The following PCDH9 variants were observed in gnomAD, a reference collection of about 807,000 sequenced individuals.
The protein encoded by PCDH9 is protocadherin-9.
In PCDH9, 24 loss-of-function variants were observed where a neutral mutation model predicts 70.6. The ratio of observed to expected loss-of-function variants is 0.34; its 90% CI spans 0.25 to 0.48. PCDH9 has a LOEUF of 0.48. PCDH9 is among the 20% of genes least tolerant of loss of function. The pLI is 0.99. For missense variants in PCDH9, 1,281 were observed against 1,503.6 expected (o/e 0.85, Z 2.45); for synonymous variants, 562 against 558.5 (o/e 1.01, Z -0.09).
chr13:67,145,638 A>G (rs1207815495), intron 2 of PCDH9, among the ~76,000 whole-genome samples: 1 of 152,050 alleles, frequency 6.6e-6, no homozygotes, highest in Non-Finnish European at 1.5e-5. Flanking sequence ...CCATATATTC[A>G]TATGTATGGC....
At chr13:67,096,510 A>G (rs1399344223) in intron 2 of PCDH9, among the ~76,000 whole-genome samples, 1 of 152,148 alleles carries the variant, frequency 6.6e-6, no homozygotes, top group Admixed American at 6.5e-5. Flanking sequence ...CAGCAACACA[A>G]CAAAAATCTT....
intron 3 of PCDH9, among the ~76,000 whole-genome samples, chr13:66,810,856 A>G (rs2080491863): frequency 6.6e-6 from 1 of 151,876 alleles, no homozygotes; most frequent in Admixed American, 6.6e-5. Context: ...TATAATATAT[A>G]TAGTGTTTCA....
chr13:66,834,157 CT>C (rs11431335), intron 3 of PCDH9, among the ~76,000 whole-genome samples: 555 of 124,538 alleles, frequency 4.5e-3, no homozygotes, highest in Middle Eastern at 0.013. Context: ...TACCTATGGT[CT>C]TTTTTTTTTT....
At chr13:66,538,652 A>C (rs1223067000) in intron 4 of PCDH9, among the ~76,000 whole-genome samples, 1 of 151,954 alleles carries the variant, frequency 6.6e-6, no homozygotes, top group Non-Finnish European at 1.5e-5. Context: ...TAAAATCTTC[A>C]ACTGATTGAA....
At chr13:66,954,916 TC>T (rs1246389153) in intron 2 of PCDH9, among the ~76,000 whole-genome samples, 1 of 152,080 alleles carries the variant, frequency 6.6e-6, no homozygotes, top group African/African-American at 2.4e-5. Context: ...GGCGCCTGCC[TC>T]CACGCCCGGC....
intron 2 of PCDH9, among the ~76,000 whole-genome samples, chr13:67,120,800 T>C (rs1341429592): frequency 2.0e-5 from 3 of 152,174 alleles, no homozygotes; most frequent in Non-Finnish European, 4.4e-5. Flanking sequence ...ATTTATGGAC[T>C]GCTTTTAAAT....
At chr13:66,491,063 A>G (rs898014061) in intron 4 of PCDH9, among the ~76,000 whole-genome samples, 1 of 152,126 alleles carries the variant, frequency 6.6e-6, no homozygotes, top group African/African-American at 2.4e-5. Context: ...TTAGCTTCTT[A>G]GTTTCTCCTG....
intron 4 of PCDH9, among the ~76,000 whole-genome samples, chr13:66,447,519 T>G (rs903855778): frequency 6.6e-6 from 1 of 152,128 alleles, no homozygotes; most frequent in African/African-American, 2.4e-5. Flanking sequence ...AAAAATTAAT[T>G]TGGCAATCTT....
At chr13:66,931,486 G>T (rs1454316685) in intron 2 of PCDH9, among the ~76,000 whole-genome samples, 2 of 152,050 alleles carry the variant, frequency 1.3e-5, no homozygotes, top group Non-Finnish European at 2.9e-5. Flanking sequence ...GTATCCTCAG[G>T]AAAATGTAAG....
At chr13:66,459,937 AC>A (rs1361198926) in intron 4 of PCDH9, among the ~76,000 whole-genome samples, 1 of 151,800 alleles carries the variant, frequency 6.6e-6, no homozygotes, top group African/African-American at 2.4e-5. Context: ...TCTAAGCCCC[AC>A]CCCCAGTTTA....
Position 66,968,844 on chromosome 13 carries a change from G to C in PCDH9, c.3037-65239C>G, listed in dbSNP as rs544768609. 3.4e-3 allele frequency among the ~76,000 whole-genome samples: 519 copies of C among 152,050 alleles called. 1 individual carries two copies. The highest frequency in any genetic ancestry group is 5.3e-3 in the Non-Finnish European group (361 of 67,908). Reference sequence around the variant, plus strand: ...CTTTAACTGTTATAACAACCATTTAGTGTGCTATTCACATTTTTTAGAAAA... The same window carrying C: ...CTTTAACTGTTATAACAACCATTTACTGTGCTATTCACATTTTTTAGAAAA... On this transcript the variant is annotated intron_variant, in intron 2 of 4. Coordinates refer to ENST00000377865, the MANE Select transcript of PCDH9 (RefSeq NM_203487.3).
rs1566231233 is a variant in PCDH9, at chr13:66,839,038, T to C, written c.3138+64466A>G. On this transcript the variant is annotated intron_variant, in intron 3 of 4. Transcript: ENST00000377865. ...AATGAAATTTTAATCAGTTTCCTAA[T>C]ACATTTTGTATAAACATTATTTATT... 3.3e-5 allele frequency among the ~76,000 whole-genome samples: 5 copies of C among 152,004 alleles called. No individual in the cohort carries two copies. In the South Asian group the frequency reaches 1.0e-3, roughly 31 times the overall value.
At chr13:66,349,318 C>T (rs566371874) in intron 4 of PCDH9, among the ~76,000 whole-genome samples, 1 of 152,252 alleles carries the variant, frequency 6.6e-6, no homozygotes, top group South Asian at 2.1e-4. Flanking sequence ...CTGTGCTCTG[C>T]ACTTTGTTTG....
intron 3 of PCDH9, among the ~76,000 whole-genome samples, chr13:66,891,407 C>G (rs910968552): frequency 6.6e-6 from 1 of 151,956 alleles, no homozygotes; most frequent in African/African-American, 2.4e-5. Flanking sequence ...ACAAACCAAC[C>G]ACCACTTTAG....
At chr13:66,586,712 G>A (rs2076968145) in intron 4 of PCDH9, among the ~76,000 whole-genome samples, 2 of 152,204 alleles carry the variant, frequency 1.3e-5, no homozygotes, top group South Asian at 4.2e-4. Flanking sequence ...TAGACAAGAG[G>A]AGTTGCAAAC....
At chr13:66,981,996 G>C (rs1329534956) in intron 2 of PCDH9, among the ~76,000 whole-genome samples, 1 of 152,128 alleles carries the variant, frequency 6.6e-6, no homozygotes, top group Non-Finnish European at 1.5e-5. Flanking sequence ...ACCAATGCTG[G>C]AGGTAGGGTC....
chr13:66,986,685 A>C (rs1249907819), intron 2 of PCDH9, among the ~76,000 whole-genome samples: 2 of 152,032 alleles, frequency 1.3e-5, no homozygotes, highest in African/African-American at 2.4e-5. Context: ...ATTTTCCAAC[A>C]GATTTTAGGG....
chr13:66,551,656 G>A (rs1290126511), intron 4 of PCDH9, among the ~76,000 whole-genome samples: 1 of 151,848 alleles, frequency 6.6e-6, no homozygotes, highest in Non-Finnish European at 1.5e-5. Flanking sequence ...AACAAACTTT[G>A]GTTAATTTGT....
intron 2 of PCDH9, among the ~76,000 whole-genome samples, chr13:67,015,081 C>T (rs537327220): frequency 7.4e-4 from 113 of 152,218 alleles, no homozygotes; most frequent in African/African-American, 2.5e-3. Context: ...ATATTTGTAA[C>T]GATTTTCTTC....
Sources: gnomAD v4.1 joint callset for allele counts (sites outside exome capture counted in the v4.1 genomes callset) on GRCh38, gnomAD v4.1.1 for gene constraint, MANE v1.5 for transcripts, NCBI Gene and HGNC (gene_info 2026-07-23, HGNC 2026-07-21) for gene names.